ZSCAN18: variants seen among roughly 807,000 people sequenced by gnomAD.
ZSCAN18 encodes the protein zinc finger and SCAN domain containing 18, also known as zinc finger and SCAN domain-containing protein 18.
A neutral mutation model predicts 31.1 loss-of-function variants in ZSCAN18; 16 were observed. The observed-to-expected ratio is 0.51, with a 90% CI of 0.35 to 0.78. The LOEUF is 0.78. Ranked by LOEUF, ZSCAN18 falls within the 30% of genes least tolerant of loss-of-function variation. The pLI, the probability that ZSCAN18 is intolerant of heterozygous loss-of-function variation, is 0.01. For missense variants in ZSCAN18, 731 were observed against 697.4 expected (o/e 1.05, Z -0.54); for synonymous variants, 375 against 320.7 (o/e 1.17, Z -1.81).
intron 1 of ZSCAN18, chr19:58,118,186 C>G (rs1251659016): frequency 4.5e-6 from 3 of 664,212 alleles, no homozygotes; most frequent in Non-Finnish European, 7.1e-6. Flanking sequence ...CAGAGCAGGG[C>G]TGCCGCGTAC....
chr19:58,098,307 C>G (rs190561886), upstream of ZSCAN18: 6,209 of 985,474 alleles, frequency 6.3e-3, 28 homozygotes, highest in Middle Eastern at 7.8e-3. Context: ...CTGTGCCGCG[C>G]ACCGGGGCGA....
upstream of ZSCAN18, among the ~76,000 whole-genome samples, chr19:58,099,982 A>ATTTT: frequency 2.3e-5 from 1 of 43,872 alleles, no homozygotes. Flanking sequence ...TTTTTTTGAG[A>ATTTT]CAAGGTCTCA....
upstream of ZSCAN18, among the ~76,000 whole-genome samples, chr19:58,100,433 G>C (rs2146016448): frequency 6.6e-6 from 1 of 152,098 alleles, no homozygotes; most frequent in South Asian, 2.1e-4. Flanking sequence ...GCAGAGAGAG[G>C]GTCCATACCT....
At chr19:58,106,254 T>C (rs1157564316) in intron 1 of ZSCAN18, among the ~76,000 whole-genome samples, 1 of 151,830 alleles carries the variant, frequency 6.6e-6, no homozygotes, top group African/African-American at 2.4e-5. Context: ...ATAAAAAAAA[T>C]TAGCCAGGCG....
rs2074559380 is a variant in ZSCAN18 at position 58,098,226 on chromosome 19, G to C, written c.-172C>G. On this transcript the variant is annotated 5_prime_UTR_variant, in exon 1 of 7. It adds an upstream start codon to the 5' untranslated region. Coordinates refer to ENST00000601144, the MANE Select transcript of ZSCAN18 (RefSeq NM_001145543.2). The stretch of plus-strand genomic sequence containing the variant: ...CCAGCCGCCCGGAGCCCCAGTGCGC[G>C]ATGGCGGCCGGCAAACTGCGCCTGC... The C allele has an allele frequency of 1.0e-6, 1 of 985,372 alleles. No homozygotes were observed. The highest frequency in any genetic ancestry group is 4.7e-5 in the South Asian group (1 of 21,304). 61.0% of individuals were successfully genotyped at this position (985,372 alleles called of 1,614,324 possible). A position where few individuals can be genotyped will look rare whatever the true frequency, so the allele number is the denominator to read the frequency against.
At chr19:58,086,401 C>T (rs2074281181) in intron 5 of ZSCAN18, 135 bp from the exon 6 acceptor site, 2 of 715,358 alleles carry the variant, frequency 2.8e-6, no homozygotes, top group African/African-American at 1.8e-5. Flanking sequence ...ACCAAGGCCA[C>T]CTCCCTGTTA....
intron 5 of ZSCAN18, chr19:58,086,603 G>T: frequency 2.0e-6 from 1 of 489,120 alleles, no homozygotes; most frequent in Non-Finnish European, 3.6e-6. Flanking sequence ...CCCTTGATCA[G>T]GCCATGCAGG....
chr19:58,098,141 G>T lies in ZSCAN18; in HGVS notation c.-120+33C>A, dbSNP rs2074556561. On this transcript the variant is annotated intron_variant, in intron 1 of 6. Transcript: ENST00000601144. The stretch of plus-strand genomic sequence containing the variant: ...GTCTACCCTGTTGGGGTCGCTCTCT[G>T]ACCCCCGCGCTGCATCCCCGGGACC... 3 of 985,506 alleles carry T rather than the reference G, an allele frequency of 3.0e-6. No individual in the cohort carries two copies. The South Asian group carries it at 1.4e-4, about 46-fold the overall frequency. 61.0% of individuals were successfully genotyped at this position (985,506 alleles called of 1,614,324 possible). A position where few individuals can be genotyped will look rare whatever the true frequency, so the allele number is the denominator to read the frequency against.
chr19:58,089,581 G>C (rs1297985784), intron 2 of ZSCAN18, among the ~76,000 whole-genome samples: 1 of 152,162 alleles, frequency 6.6e-6, no homozygotes, highest in East Asian at 1.9e-4. Context: ...AGCTGAGATT[G>C]CGCCACTGCG....
At chr19:58,110,035 C>T (rs548405614) in intron 1 of ZSCAN18, among the ~76,000 whole-genome samples, 1 of 152,146 alleles carries the variant, frequency 6.6e-6, no homozygotes, top group Middle Eastern at 3.2e-3. Context: ...TTACCACTCA[C>T]AGAAAATTTT....
In ZSCAN18 at chr19:58,085,958, G is replaced by A. The variant is rs2074271110; in HGVS notation, c.838+216C>T. 10 of 554,746 alleles carry A rather than the reference G, an allele frequency of 1.8e-5. No homozygotes were observed. In the East Asian group the frequency reaches 2.9e-4, roughly 16 times the overall value. 34.4% of individuals were successfully genotyped at this position (554,746 alleles called of 1,614,324 possible). On this transcript the variant is annotated intron_variant, in intron 6 of 6. Coordinates refer to ENST00000601144, the MANE Select transcript of ZSCAN18 (RefSeq NM_001145543.2). The stretch of plus-strand genomic sequence containing the variant: ...GATCCTGGCAACTAACACCACTGCC[G>A]TTTCCACCGACCAAGTCTTGGGGTG...
At position 58,090,613 on chromosome 19, in the gene ZSCAN18, C is replaced by T; in HGVS notation, c.-119-227G>A. 2 of 432,410 alleles carry T rather than the reference C, an allele frequency of 4.6e-6. No individual in the cohort carries two copies. Among genetic ancestry groups the T allele is most frequent in the Non-Finnish European group, 8.1e-6 (2 of 247,154 alleles). 26.8% of individuals were successfully genotyped at this position (432,410 alleles called of 1,614,324 possible). A position where few individuals can be genotyped will look rare whatever the true frequency, so the allele number is the denominator to read the frequency against. ...ACCAGAATTTTTTTTTCTTTGAGAC[C>T]GAGTCACCCTCTGTCACCCAAGCTG... On this transcript the variant is annotated intron_variant, in intron 1 of 6. Coordinates refer to ENST00000601144, the MANE Select transcript of ZSCAN18 (RefSeq NM_001145543.2). This position sits in a 1 kb window ranked among gnomAD's most constrained non-coding sequence, Gnocchi z 4.7.
chr19:58,092,007 G>A (rs1364992705), intron 1 of ZSCAN18, among the ~76,000 whole-genome samples: 6 of 152,032 alleles, frequency 3.9e-5, no homozygotes, highest in Non-Finnish European at 8.8e-5. Context: ...AGACCTCACC[G>A]CTGTGGGGTG....
chr19:58,088,953 C>T, intron 2 of ZSCAN18, 116 bp from the exon 3 acceptor site: 1 of 963,330 alleles, frequency 1.0e-6, no homozygotes, highest in Non-Finnish European at 1.5e-6. Flanking sequence ...ACCCATCCTG[C>T]ACCTCATCTT....
At chr19:58,112,081 C>T (rs1209103629) in intron 1 of ZSCAN18, among the ~76,000 whole-genome samples, 1 of 152,092 alleles carries the variant, frequency 6.6e-6, no homozygotes, top group African/African-American at 2.4e-5. Flanking sequence ...GTGACCCAGG[C>T]TGGAGTGCAG....
At position 58,084,589 on chromosome 19, in the gene ZSCAN18, A is replaced by G; in HGVS notation, c.*96T>C. ...GGCAGAGGACGTCCACAAACACCAC[A>G]GGAAGCCGCCACCCAGGGGCGTGGA... On this transcript the variant is annotated 3_prime_UTR_variant, in exon 7 of 7. Transcript: ENST00000601144. The surrounding 1 kb of genome is among the most constrained non-coding windows in gnomAD (Gnocchi z 4.5). 1 of 1,245,216 alleles carries G rather than the reference A, an allele frequency of 8.0e-7. No individual in the cohort carries two copies. The highest frequency in any genetic ancestry group is 1.1e-6 in the Non-Finnish European group (1 of 939,006). 77.1% of individuals were successfully genotyped at this position (1,245,216 alleles called of 1,614,324 possible). A position where few individuals can be genotyped will look rare whatever the true frequency, so the allele number is the denominator to read the frequency against.
chr19:58,088,785 C>T lies in ZSCAN18; in HGVS notation c.456G>A (p.Val152=). The T allele has an allele frequency of 6.2e-7, 1 of 1,612,646 alleles. No individual in the cohort carries two copies. Among genetic ancestry groups the T allele is most frequent in the Non-Finnish European group, 8.5e-7 (1 of 1,179,986 alleles). Residue 152 remains valine (V), a synonymous_variant, in exon 3 of 7, where the codon GTG becomes GTA. Coordinates refer to ENST00000601144, the MANE Select transcript of ZSCAN18 (RefSeq NM_001145543.2). The stretch of plus-strand genomic sequence containing the variant: ...GCAGAGGGTCCATGTGCCTCTCGTA[C>T]ACTCCATCGCTAAGAATTGAGGATG... ...AGSSSILSDG[V]YERHMDPLLL...
At position 58,084,822 on chromosome 19, in the gene ZSCAN18, C is replaced by G; in HGVS notation, c.1396G>C (p.Glu466Gln). The G allele has an allele frequency of 6.3e-7, 1 of 1,593,750 alleles. No homozygotes were observed. The highest frequency in any genetic ancestry group is 1.1e-5 in the South Asian group (1 of 88,814). The change falls in exon 7 of 7, where the codon GAG (glutamate) becomes CAG (glutamine). Residue 466 changes from glutamate (E) to glutamine (Q), a missense_variant. By Grantham distance (29) the Glu-to-Gln change is conservative (BLOSUM62 2). Coordinates refer to ENST00000601144, the MANE Select transcript of ZSCAN18 (RefSeq NM_001145543.2). This position sits in a 1 kb window ranked among gnomAD's most constrained non-coding sequence, Gnocchi z 4.5. ...LAEHQKTHEK[E>Q]KSYALGGARG... ...GCGCCCCCCAGCGCGTAGCTTTTCT[C>G]CTTCTCGTGGGTCTTCTGGTGCTCG...
At chr19:58,104,197 G>A (rs544527318) in intron 1 of ZSCAN18, among the ~76,000 whole-genome samples, 2 of 152,246 alleles carry the variant, frequency 1.3e-5, no homozygotes, top group East Asian at 3.9e-4. Flanking sequence ...TAGCCAACAT[G>A]GTGAAACCCC....
Sources: gnomAD v4.1 joint callset for allele counts (sites outside exome capture counted in the v4.1 genomes callset) on GRCh38, gnomAD v4.1.1 for gene constraint, Gnocchi (gnomAD v3.1) non-coding constraint, MANE v1.5 for transcripts, NCBI Gene and HGNC (gene_info 2026-07-23, HGNC 2026-07-21) for gene names.